Variants in ABHD14A observed in about 807,000 individuals in gnomAD.
ABHD14A encodes the protein protein ABHD14A.
In ABHD14A, 19 loss-of-function variants were observed where a neutral mutation model predicts 27.0. The observed-to-expected ratio is 0.70, with a 90% CI of 0.49 to 1.03. ABHD14A has a LOEUF of 1.03. Ranked by LOEUF, ABHD14A falls within the 50% of genes least tolerant of loss-of-function variation. The pLI is 0.00. For synonymous variants in ABHD14A, 148 were observed against 158.8 expected (o/e 0.93, Z 0.51); for missense variants, 311 against 344.6 (o/e 0.90, Z 0.77).
chr3:51,978,917 C>T (rs1360707267), intron 3 of ABHD14A: 2 of 323,712 alleles, frequency 6.2e-6, no homozygotes, highest in East Asian at 2.1e-4. Flanking sequence ...TATGGCAAAC[C>T]ATATAGGTTT....
intron 1 of ABHD14A, among the ~76,000 whole-genome samples, chr3:51,976,929 G>T (rs1700799264): frequency 6.6e-6 from 1 of 152,168 alleles, no homozygotes; most frequent in South Asian, 2.1e-4. Flanking sequence ...GTCCTCTGGG[G>T]TGGCAGAGAC....
At position 51,980,696 on chromosome 3, in the gene ABHD14A, T is replaced by C. The variant is rs1700893299; in HGVS notation, c.633+68T>C. ...GGCTTGGGGGGGTTCAGGACTCAAG[T>C]CTTACTTGGAGGGACATGGCCTTAT... On this transcript the variant is annotated intron_variant, in intron 4 of 4. Coordinates refer to ENST00000273596, the MANE Select transcript of ABHD14A (RefSeq NM_015407.5). The C allele has an allele frequency of 7.0e-6, 11 of 1,567,996 alleles. No homozygotes were observed. The South Asian group carries it at 1.3e-4, about 18-fold the overall frequency.
chr3:51,980,015 G>A (rs1053025308), intron 3 of ABHD14A, among the ~76,000 whole-genome samples: 10 of 150,350 alleles, frequency 6.7e-5, no homozygotes, highest in East Asian at 2.0e-4. Context: ...TCCGCCCCCC[G>A]GGGTTCATGC....
chr3:51,977,843 C>T (rs962920582), intron 1 of ABHD14A, 28 bp from the exon 2 acceptor site: 5 of 1,591,416 alleles, frequency 3.1e-6, no homozygotes, highest in Admixed American at 1.7e-5. Flanking sequence ...CAGTTCCAGC[C>T]TCTTTTCCCT....
intron 3 of ABHD14A, among the ~76,000 whole-genome samples, chr3:51,979,696 G>A (rs1559775735): frequency 6.6e-6 from 1 of 151,784 alleles, no homozygotes; most frequent in Non-Finnish European, 1.5e-5. Context: ...TGTTGGTCAG[G>A]CTGGTCTCAA....
chr3:51,975,670 G>C (rs756691506), intron 1 of ABHD14A, among the ~76,000 whole-genome samples: 9 of 152,208 alleles, frequency 5.9e-5, no homozygotes, highest in Middle Eastern at 3.4e-3. Flanking sequence ...GACCGTGCTT[G>C]AGTATTTCTG....
At chr3:51,978,142 G>T in intron 2 of ABHD14A, 60 bp downstream of exon 2, 3 of 1,564,450 alleles carry the variant, frequency 1.9e-6, no homozygotes, top group Non-Finnish European at 2.6e-6. Flanking sequence ...CCCTGTGTGG[G>T]ACCCCCATTA....
In ABHD14A at chr3:51,977,852, C is replaced by G; in HGVS notation, c.70-19C>G. 6.3e-7 allele frequency: 1 copy of G among 1,597,956 alleles called. No homozygotes were observed. Among genetic ancestry groups the G allele is most frequent in the Non-Finnish European group, 8.6e-7 (1 of 1,166,964 alleles). ...GGGACTCAGTTCCAGCCTCTTTTCC[C>G]TCTCCTCTCCCTCTCCAGACTGTGG... On this transcript the variant is annotated intron_variant, in intron 1 of 4. Coordinates refer to ENST00000273596, the MANE Select transcript of ABHD14A (RefSeq NM_015407.5).
At chr3:51,976,382 A>G (rs1055435174) in intron 1 of ABHD14A, among the ~76,000 whole-genome samples, 1 of 152,242 alleles carries the variant, frequency 6.6e-6, no homozygotes, top group African/African-American at 2.4e-5. Flanking sequence ...TTGGCACTCA[A>G]TAAAGATGTG....
chr3:51,978,221 C>T, intron 2 of ABHD14A, 38 bp from the exon 3 acceptor site: 1 of 1,537,776 alleles, frequency 6.5e-7, no homozygotes, highest in Non-Finnish European at 8.8e-7. Flanking sequence ...TGGGCTACAC[C>T]AGGTTCCCAG....
In ABHD14A at chr3:51,980,211, C is replaced by T. The variant is rs563660353; in HGVS notation, c.398-182C>T. 121 of 709,456 alleles carry T rather than the reference C, an allele frequency of 1.7e-4. No homozygotes were observed. The African/African-American group carries it at 2.0e-3, about 11-fold the overall frequency. 43.9% of individuals were successfully genotyped at this position (709,456 alleles called of 1,614,324 possible). On this transcript the variant is annotated intron_variant, in intron 3 of 4. Transcript: ENST00000273596. ...TGCTGGGATTACAGGCGTGAGCCAC[C>T]ACTCTCGGCCAAGATATGCTTTTCT...
At position 51,980,525 on chromosome 3, in the gene ABHD14A, C is replaced by A; in HGVS notation, c.530C>A (p.Ala177Asp). 6.2e-7 allele frequency: 1 copy of A among 1,614,090 alleles called. No homozygotes were observed. Among genetic ancestry groups the A allele is most frequent in the Non-Finnish European group, 8.5e-7 (1 of 1,180,030 alleles). The change falls in exon 4 of 5, where the codon GCC becomes GAC. Residue 177 changes from alanine to aspartate, a missense_variant. Ala to Asp is a moderately radical substitution (Grantham distance 126, BLOSUM62 -2). Coordinates refer to ENST00000273596, the MANE Select transcript of ABHD14A (RefSeq NM_015407.5). ...AGCCCCTCGCTGAGTGGCCACTATG[C>A]CCTGCCCTTCCTGATGCGAGGCCAC... ...LVSPSLSGHYALPFLMRGHHQ... is the reference protein window; with the variant it reads ...LVSPSLSGHYDLPFLMRGHHQ...
intron 4 of ABHD14A, 48 bp downstream of exon 4, chr3:51,980,676 G>A: frequency 6.3e-7 from 1 of 1,587,004 alleles, no homozygotes; most frequent in Non-Finnish European, 8.6e-7. Context: ...TCTGTGGCTT[G>A]GGGGGGTTCA....
In ABHD14A at chr3:51,975,185, C is replaced by A. The variant is rs1275814675; in HGVS notation, c.50C>A (p.Pro17Gln). ...GCWFRLGGAR[P>Q]LIPLGPTVVQ... ...TGGTTCCGCCTGGGCGGGGCCCGCC[C>A]GCTCATCCCGTTGGGCCCGGTGAGT... The change falls in exon 1 of 5, where the codon CCG becomes CAG. Residue 17 changes from proline (P) to glutamine (Q), a missense_variant. By Grantham distance (76) the Pro-to-Gln change is moderately conservative. Transcript: ENST00000273596. 1 of 1,275,624 alleles carries A rather than the reference C, an allele frequency of 7.8e-7. No individual in the cohort carries two copies. Among genetic ancestry groups the A allele is most frequent in the Non-Finnish European group, 9.9e-7 (1 of 1,010,472 alleles). 79.0% of individuals were successfully genotyped at this position (1,275,624 alleles called of 1,614,324 possible).
At chr3:51,977,268 C>T (rs939735577) in intron 1 of ABHD14A, among the ~76,000 whole-genome samples, 7 of 152,186 alleles carry the variant, frequency 4.6e-5, no homozygotes, top group African/African-American at 7.2e-5. Context: ...TCCCTTTGCG[C>T]GCAGTCTTTC....
At chr3:51,979,481 G>GTTTTTTTTTTTTTTTTTTTTTTTTTT (rs1233416677) in intron 3 of ABHD14A, among the ~76,000 whole-genome samples, 1 of 143,790 alleles carries the variant, frequency 7.0e-6, no homozygotes, top group Non-Finnish European at 1.5e-5. Flanking sequence ...TTCTTTTTTT[G>GTTTTTTTTTTTTTTTTTTTTTTTTTT]TTTTTTGTTT....
At position 51,977,962 on chromosome 3, in the gene ABHD14A, G is replaced by T; in HGVS notation, c.161G>T (p.Gly54Val). 4 of 1,614,104 alleles carry T rather than the reference G, an allele frequency of 2.5e-6. No homozygotes were observed. The highest frequency in any genetic ancestry group is 3.4e-6 in the Non-Finnish European group (4 of 1,180,038). The change falls in exon 2 of 5, where the codon GGC (glycine) becomes GTC (valine). Residue 54 changes from glycine (G) to valine (V), a missense_variant. Gly to Val is a moderately radical substitution (Grantham distance 109). Transcript: ENST00000273596. ...LMLLLYVGLP[G>V]PPEQTSCLWG... ...CTCCTACTGTATGTGGGGCTGCCAG[G>T]CCCCCCTGAGCAGACTTCCTGCCTC...
At chr3:51,978,195 T>C (rs1490548154) in intron 2 of ABHD14A, 64 bp from the exon 3 acceptor site, 2 of 1,530,290 alleles carry the variant, frequency 1.3e-6, no homozygotes, top group African/African-American at 2.8e-5. Flanking sequence ...GGGAGAAGCC[T>C]AGGAATAAAG....
Position 51,980,467 on chromosome 3 carries a change from C to T in ABHD14A, c.472C>T (p.Arg158Trp), listed in dbSNP as rs147658919. 5.5e-5 allele frequency: 88 copies of T among 1,613,482 alleles called. 1 individual carries two copies. The highest frequency in any genetic ancestry group is 1.7e-4 in the Middle Eastern group (1 of 6,060). Residue 158 changes from arginine (R) to tryptophan (W), a missense_variant, in exon 4 of 5, where the codon CGG becomes TGG. Coordinates refer to ENST00000273596, the MANE Select transcript of ABHD14A (RefSeq NM_015407.5). The part of the protein sequence containing the change: ...GRAALLERAL[R>W]DLEVQNAVLV... Reference sequence around the variant, plus strand: ...GGCAGCGCTGCTGGAGCGGGCGCTGCGGGACCTGGAGGTACAGAATGCCGT... The same window carrying T: ...GGCAGCGCTGCTGGAGCGGGCGCTGTGGGACCTGGAGGTACAGAATGCCGT...
Sources: gnomAD v4.1 joint callset for allele counts (sites outside exome capture counted in the v4.1 genomes callset) on GRCh38, gnomAD v4.1.1 for gene constraint, MANE v1.5 for transcripts, NCBI Gene and HGNC (gene_info 2026-07-23, HGNC 2026-07-21) for gene names.